Variants in MEP1A observed in about 807,000 individuals in gnomAD.
MEP1A encodes meprin A subunit alpha.
A neutral mutation model predicts 84.5 loss-of-function variants in MEP1A; 68 were observed. The ratio of observed to expected loss-of-function variants is 0.80; its 90% CI spans 0.66 to 0.98. MEP1A has a LOEUF of 0.98. MEP1A is among the 50% of genes least tolerant of loss of function. MEP1A has a pLI of 0.00. For missense variants in MEP1A, 887 were observed against 919.9 expected (o/e 0.96, Z 0.46); for synonymous variants, 337 against 336.8 (o/e 1.00, Z -0.01).
At chr6:46,844,600 G>C (rs1460530686), downstream of MEP1A, among the ~76,000 whole-genome samples, 1 of 152,108 alleles carries the variant, frequency 6.6e-6, no homozygotes, top group African/African-American at 2.4e-5. Context: ...AGAATAAAAG[G>C]AGAATAGAAA....
At chr6:46,835,164 G>A in intron 12 of MEP1A, 85 bp from the exon 13 acceptor site, 2 of 1,236,124 alleles carry the variant, frequency 1.6e-6, no homozygotes, top group Non-Finnish European at 2.2e-6. Context: ...ATAGAAGCAG[G>A]CTGGGGAACT....
rs746773313 is a variant in MEP1A, at chr6:46,819,718, G to C, written c.556+14G>C. The C allele has an allele frequency of 3.3e-5, 53 of 1,610,572 alleles. No homozygotes were observed. Among genetic ancestry groups the C allele is most frequent in the Middle Eastern group, 3.3e-4 (2 of 6,064 alleles). On this transcript the variant is annotated intron_variant, in intron 7 of 13. Transcript: ENST00000230588. ...AAATTCTTTCAGGTGTGATTGGGCG[G>C]AGATTGCTATCACATTTATCACTGG...
intron 12 of MEP1A, among the ~76,000 whole-genome samples, 166 bp from the exon 13 acceptor site, chr6:46,835,082 TA>T (rs1389621508): frequency 6.6e-6 from 1 of 152,238 alleles, no homozygotes; most frequent in African/African-American, 2.4e-5. Context: ...TACTTTAAAA[TA>T]AAAGTAGCTA....
chr6:46,829,606 G>A lies in MEP1A; in HGVS notation c.1144+35G>A, dbSNP rs777078772. 4 of 1,499,510 alleles carry A rather than the reference G, an allele frequency of 2.7e-6. No individual in the cohort carries two copies. In the East Asian group the frequency reaches 9.0e-5, roughly 34 times the overall value. The allele number at this position is 1,499,510 out of a possible 1,614,324, so 92.9% of individuals were successfully genotyped here. A position where few individuals can be genotyped will look rare whatever the true frequency, so the allele number is the denominator to read the frequency against. ...GGCATTCACACGAGGAATGGATTGGGTTAAAATCCGGGATCCTGCTTCTTC... is the reference window on the plus strand; with the variant it reads ...GGCATTCACACGAGGAATGGATTGGATTAAAATCCGGGATCCTGCTTCTTC... On this transcript the variant is annotated intron_variant, in intron 10 of 13. Transcript: ENST00000230588.
At chr6:46,807,840 G>A (rs10948312) in intron 5 of MEP1A, among the ~76,000 whole-genome samples, 9,576 of 106,784 alleles carry the variant, frequency 0.09, 564 homozygotes, top group Admixed American at 0.12. Context: ...AGAAAGAAAG[G>A]AAGAAAGGAA....
At chr6:46,823,931 T>C (rs1767839957) in intron 7 of MEP1A, among the ~76,000 whole-genome samples, 1 of 152,124 alleles carries the variant, frequency 6.6e-6, no homozygotes. Context: ...GGAAAATAAG[T>C]TTTCTTCTTC....
intron 6 of MEP1A, among the ~76,000 whole-genome samples, chr6:46,818,270 A>G (rs1325865370): frequency 1.3e-5 from 2 of 151,824 alleles, no homozygotes; most frequent in African/African-American, 4.8e-5. Context: ...GAAAATAAAT[A>G]ACTAAGATTC....
intron 5 of MEP1A, among the ~76,000 whole-genome samples, chr6:46,800,156 C>T (rs1767160762): frequency 6.6e-6 from 1 of 152,196 alleles, no homozygotes; most frequent in South Asian, 2.1e-4. Flanking sequence ...CTTAATGGAA[C>T]ATGATTTAAG....
intron 5 of MEP1A, among the ~76,000 whole-genome samples, chr6:46,804,136 TTCTTC>T (rs376147174): frequency 1.1e-4 from 16 of 151,734 alleles, no homozygotes; most frequent in Non-Finnish European, 2.1e-4. Flanking sequence ...TAAATCTGAG[TTCTTC>T]TCTAGTATCA....
At chr6:46,830,972 C>T (rs750680396) in intron 10 of MEP1A, among the ~76,000 whole-genome samples, 60 of 152,316 alleles carry the variant, frequency 3.9e-4, no homozygotes, top group African/African-American at 1.3e-3. Context: ...TTATCACTCA[C>T]TTTCATCTAA....
At chr6:46,819,399 T>C in intron 6 of MEP1A, 130 bp from the exon 7 acceptor site, 1 of 706,322 alleles carries the variant, frequency 1.4e-6, no homozygotes, top group Non-Finnish European at 2.3e-6. Flanking sequence ...CATTAGCATA[T>C]GAGAATGCTG....
downstream of MEP1A, among the ~76,000 whole-genome samples, chr6:46,842,623 C>CA (rs1768354082): frequency 6.6e-6 from 1 of 152,122 alleles, no homozygotes; most frequent in Admixed American, 6.5e-5. Context: ...AATACGTGCA[C>CA]AGTGGGACAT....
intron 5 of MEP1A, among the ~76,000 whole-genome samples, chr6:46,807,985 TAC>T (rs1218370838): frequency 2.0e-5 from 3 of 152,048 alleles, no homozygotes; most frequent in African/African-American, 4.8e-5. Flanking sequence ...ACAAAATTAT[TAC>T]AGAGTTGCTT....
intron 7 of MEP1A, among the ~76,000 whole-genome samples, chr6:46,823,234 A>G (rs1390082873): frequency 6.6e-6 from 1 of 152,232 alleles, no homozygotes; most frequent in African/African-American, 2.4e-5. Context: ...CTGCTGGAGC[A>G]TCGCCTGGCC....
intron 6 of MEP1A, among the ~76,000 whole-genome samples, chr6:46,813,112 G>A (rs1767545491): frequency 6.6e-6 from 1 of 151,844 alleles, no homozygotes. Flanking sequence ...CATTTCTTAG[G>A]TCTAGTAGTA....
chr6:46,802,832 T>G (rs975397125), intron 5 of MEP1A, among the ~76,000 whole-genome samples: 3 of 151,886 alleles, frequency 2.0e-5, no homozygotes, highest in Non-Finnish European at 4.4e-5. Context: ...AACATCAAAT[T>G]TGAATGCTAA....
Position 46,809,469 on chromosome 6 carries a change from C to T in MEP1A, c.312C>T (p.Leu104=), listed in dbSNP as rs540101823. The T allele has an allele frequency of 1.9e-6, 3 of 1,610,148 alleles. No homozygotes were observed. The South Asian group carries it at 3.3e-5, about 18-fold the overall frequency. The change falls in exon 6 of 14, where the codon CTC becomes CTT. Residue 104 remains leucine, a synonymous_variant. Coordinates refer to ENST00000230588, the MANE Select transcript of MEP1A (RefSeq NM_005588.3). ...AILYAFEMFR[L]KSCVDFKPYE... is the part of the protein sequence containing the mutation. Reference sequence around the variant, plus strand: ...TGTATGCCTTTGAGATGTTCCGTCTCAAGTCCTGTGTGGATTTCAAGCCCT... The same window carrying T: ...TGTATGCCTTTGAGATGTTCCGTCTTAAGTCCTGTGTGGATTTCAAGCCCT...
intron 6 of MEP1A, among the ~76,000 whole-genome samples, chr6:46,817,050 T>C (rs748628892): frequency 9.2e-5 from 14 of 152,258 alleles, no homozygotes; most frequent in Admixed American, 2.6e-4. Flanking sequence ...AATTAACAGA[T>C]GCTCCAGTTT....
chr6:46,829,644 C>G (rs1768034808), intron 10 of MEP1A, 73 bp downstream of exon 10: 1 of 1,076,266 alleles, frequency 9.3e-7, no homozygotes, highest in Non-Finnish European at 1.4e-6. Context: ...CTCCTTCCCT[C>G]TTTCCTCCTA....
Sources: allele counts gnomAD v4.1 joint callset (sites outside exome capture counted in the v4.1 genomes callset), GRCh38; gene constraint gnomAD v4.1.1; transcripts MANE v1.5; gene names NCBI Gene and HGNC (gene_info 2026-07-23, HGNC 2026-07-21).